TMIE: variants seen among roughly 807,000 people sequenced by gnomAD.
TMIE encodes the protein transmembrane inner ear, also known as transmembrane inner ear expressed protein.
Under a neutral mutation model 16.8 loss-of-function variants are expected in TMIE, and 14 were observed. That is an observed-to-expected ratio of 0.83 (90% confidence interval 0.55 to 1.30). The LOEUF (loss-of-function observed/expected upper bound fraction) is 1.30. TMIE is among the 50% of genes most tolerant of loss of function. TMIE has a pLI of 0.00. For missense variants in TMIE, 204 were observed against 205.9 expected, an observed-to-expected ratio of 0.99 and a Z score of 0.06; for synonymous variants, 75 against 87.2, an observed-to-expected ratio of 0.86 and a Z score of 0.78.
At chr3:46,702,297 T>C (rs1321291774) in intron 1 of TMIE, among the ~76,000 whole-genome samples, 5 of 151,810 alleles carry the variant, frequency 3.3e-5, no homozygotes, top group Admixed American at 6.6e-5. Context: ...GGAGGGTAAA[T>C]TGGGAGCAGG....
intron 1 of TMIE, among the ~76,000 whole-genome samples, chr3:46,695,970 GC>G (rs1700408342): frequency 6.6e-6 from 1 of 152,148 alleles, no homozygotes; most frequent in East Asian, 1.9e-4. Flanking sequence ...GCCAGGTAAG[GC>G]CTCTGGTAGT....
At chr3:46,693,874 C>T (rs1424702597), upstream of TMIE, among the ~76,000 whole-genome samples, 1 of 152,116 alleles carries the variant, frequency 6.6e-6, no homozygotes, top group Non-Finnish European at 1.5e-5. Context: ...TGAGGCCTCC[C>T]TCTGGCGTCC....
At chr3:46,706,981 G>A (rs188116138) in intron 2 of TMIE, among the ~76,000 whole-genome samples, 107 of 152,328 alleles carry the variant, frequency 7.0e-4, no homozygotes, top group African/African-American at 2.3e-3. Context: ...TGATTTGCAC[G>A]TGCTTCTCCT....
exon 1 of TMIE, chr3:46,694,540 CCAGCCCCCTACT>C (rs1244040941): frequency 6.6e-6 from 1 of 152,354 alleles, no homozygotes; most frequent in African/African-American, 2.4e-5. Context: ...GGGTGGCCCA[CCAGCCCCCTACT>C]CAGCCCCCTA....
At chr3:46,705,358 C>T (rs1274019333) in intron 1 of TMIE, among the ~76,000 whole-genome samples, 1 of 152,174 alleles carries the variant, frequency 6.6e-6, no homozygotes, top group East Asian at 1.9e-4. Context: ...ACTCCTAGCT[C>T]CACACCCCAC....
chr3:46,698,657 C>A (rs1301816870), upstream of TMIE, among the ~76,000 whole-genome samples: 1 of 152,114 alleles, frequency 6.6e-6, no homozygotes, highest in Admixed American at 6.5e-5. Flanking sequence ...TCACAGCCGG[C>A]AGTATGCTCA....
At chr3:46,699,885 C>T (rs1193675345), upstream of TMIE, among the ~76,000 whole-genome samples, 2 of 152,180 alleles carry the variant, frequency 1.3e-5, no homozygotes, top group Non-Finnish European at 2.9e-5. Context: ...TCATGGGAGT[C>T]TCACCCTCCC....
chr3:46,709,413 GAA>G (rs1439872890), intron 3 of TMIE, 138 bp downstream of exon 3: 21 of 1,599,360 alleles, frequency 1.3e-5, no homozygotes, highest in Non-Finnish European at 1.8e-5. Flanking sequence ...CCAGAGCACA[GAA>G]ATTGGTTGGC....
At position 46,705,804 on chromosome 3, in the gene TMIE, A is replaced by C. The variant is rs1559496389; in HGVS notation, c.108A>C (p.Pro36=). 1 of 1,613,814 alleles carries C rather than the reference A, an allele frequency of 6.2e-7. No individual in the cohort carries two copies. Among genetic ancestry groups the C allele is most frequent in the Admixed American group, 1.7e-5 (1 of 59,994 alleles). The part of the protein sequence containing the change: ...AGQLVEPSTA[P]PKPKPPPLTK... ...CTGACCCACAGCCCAGCACGGCCCCACCCAAGCCCAAGCCGCCTCCGCTGA... is the reference window on the plus strand; with the variant it reads ...CTGACCCACAGCCCAGCACGGCCCCCCCCAAGCCCAAGCCGCCTCCGCTGA... The change falls in exon 2 of 4, where the codon CCA becomes CCC. Residue 36 remains proline (P), a synonymous_variant. Transcript: ENST00000643606.
At chr3:46,706,804 G>T (rs1195902537) in intron 2 of TMIE, among the ~76,000 whole-genome samples, 1 of 152,308 alleles carries the variant, frequency 6.6e-6, no homozygotes, top group Admixed American at 6.5e-5. Context: ...CTCACGCAGG[G>T]TCTCAGATGA....
chr3:46,701,896 G>A lies in TMIE; in HGVS notation c.93+316G>A, dbSNP rs946358447. ...GGACACAGCCCTGCCCAGACTGATG[G>A]GGGATACTGGGCCCCCATCCTCCAG... On this transcript the variant is annotated intron_variant, in intron 1 of 3. Coordinates refer to ENST00000643606, the MANE Select transcript of TMIE (RefSeq NM_147196.3). The surrounding 1 kb of genome is among the most constrained non-coding windows in gnomAD (Gnocchi z 4.3). Among the ~76,000 whole-genome samples, 1 of 152,052 alleles carries A rather than the reference G, an allele frequency of 6.6e-6. No homozygotes were observed. Among genetic ancestry groups the A allele is most frequent in the Non-Finnish European group, 1.5e-5 (1 of 68,010 alleles).
chr3:46,702,376 G>T (rs542667514), intron 1 of TMIE, among the ~76,000 whole-genome samples: 3 of 152,224 alleles, frequency 2.0e-5, no homozygotes, highest in African/African-American at 7.2e-5. Flanking sequence ...CTGGTGGAGA[G>T]CCTGGCTGGG....
chr3:46,709,176 G>A lies in TMIE; in HGVS notation c.262G>A (p.Glu88Lys). The A allele has an allele frequency of 6.2e-7, 1 of 1,614,150 alleles. No homozygotes were observed. Among genetic ancestry groups the A allele is most frequent in the Non-Finnish European group, 8.5e-7 (1 of 1,180,044 alleles). ...FNCRVPRTRK[E>K]IEARYLQRKA... ...CTGTCGTGTGCCACGGACCCGGAAG[G>A]AGATCGAAGCCCGGTACCTGCAGCG... The change falls in exon 3 of 4, where the codon GAG becomes AAG. Residue 88 changes from glutamate (E) to lysine (K), a missense_variant. By Grantham distance (56) the Glu-to-Lys change is moderately conservative (BLOSUM62 1). Transcript: ENST00000643606.
chr3:46,705,234 T>C (rs1700536344), intron 1 of TMIE, among the ~76,000 whole-genome samples: 1 of 152,192 alleles, frequency 6.6e-6, no homozygotes. Flanking sequence ...CCAGTGCCTG[T>C]CCTGTGGACA....
rs889700487 is a variant in TMIE at position 46,710,555 on chromosome 3, T to G, written c.*867T>G. ...TCTGGTGGCCCCTTCTATGCCCAGC[T>G]GTGCTGGGAGGTCCCAGGGCCCTAG... On this transcript the variant is annotated 3_prime_UTR_variant, in exon 4 of 4. Coordinates refer to ENST00000643606, the MANE Select transcript of TMIE (RefSeq NM_147196.3). 2 of 152,268 alleles carry G rather than the reference T, an allele frequency of 1.3e-5. No individual in the cohort carries two copies. Among genetic ancestry groups the G allele is most frequent in the Non-Finnish European group, 2.9e-5 (2 of 68,058 alleles). The allele number at this position is 152,268 out of a possible 1,614,324, so 9.4% of individuals were successfully genotyped here.
chr3:46,705,720 TG>T, intron 1 of TMIE, 69 bp from the exon 2 acceptor site: 2 of 1,341,008 alleles, frequency 1.5e-6, no homozygotes, highest in Non-Finnish European at 2.1e-6. Context: ...TGCTGAGACC[TG>T]GGCCCTTCTC....
At position 46,709,257 on chromosome 3, in the gene TMIE, C is replaced by T; in HGVS notation, c.343C>T (p.Leu115Phe). Residue 115 changes from leucine (L) to phenylalanine (F), a missense_variant, in exon 3 of 4, where the codon CTC becomes TTC. Coordinates refer to ENST00000643606, the MANE Select transcript of TMIE (RefSeq NM_147196.3). ...GGAGACTGTGCCACCCCTCAATGAG[C>T]TCACAGAAGTCCCAGGAGGTGAGTT... ...KLETVPPLNELTEVPGEDKKK... is the reference protein window; with the variant it reads ...KLETVPPLNEFTEVPGEDKKK... The T allele has an allele frequency of 4.3e-6, 7 of 1,614,120 alleles. No individual in the cohort carries two copies. The highest frequency in any genetic ancestry group is 1.6e-4 in the Middle Eastern group (1 of 6,062).
upstream of TMIE, among the ~76,000 whole-genome samples, chr3:46,699,594 A>G (rs1700446531): frequency 6.6e-6 from 1 of 152,214 alleles, no homozygotes; most frequent in African/African-American, 2.4e-5. Flanking sequence ...GTGTACTGTA[A>G]GATCTCAGCT....
intron 2 of TMIE, 58 bp downstream of exon 2, chr3:46,705,965 G>GCC: frequency 6.5e-7 from 1 of 1,545,690 alleles, no homozygotes; most frequent in South Asian, 1.1e-5. Context: ...AGCACCCCCT[G>GCC]CCCCCCAGAG....
Sources: gnomAD v4.1 joint callset for allele counts (sites outside exome capture counted in the v4.1 genomes callset) on GRCh38, gnomAD v4.1.1 for gene constraint, Gnocchi (gnomAD v3.1) non-coding constraint, MANE v1.5 for transcripts, NCBI Gene and HGNC (gene_info 2026-07-23, HGNC 2026-07-21) for gene names.